SETD3: variants seen among roughly 807,000 people sequenced by gnomAD.
SETD3 encodes the protein SET domain containing 3, actin N3(tau)-histidine methyltransferase, also known as actin-histidine N-methyltransferase.
Under a neutral mutation model 63.0 loss-of-function variants are expected in SETD3, and 19 were observed. The ratio of observed to expected loss-of-function variants is 0.30; its 90% CI spans 0.21 to 0.44. The LOEUF (loss-of-function observed/expected upper bound fraction) is 0.44. Ranked by LOEUF, SETD3 falls within the 20% of genes least tolerant of loss-of-function variation. The pLI is 1.00. For missense variants in SETD3, 587 were observed against 728.5 expected (o/e 0.81, Z 2.24); for synonymous variants, 286 against 264.1 (o/e 1.08, Z -0.80).
chr14:99,475,367 G>A (rs559193850), intron 1 of SETD3, among the ~76,000 whole-genome samples: 4 of 152,378 alleles, frequency 2.6e-5, no homozygotes, highest in East Asian at 3.9e-4. Context: ...AGGACAGAGA[G>A]AGCGTGTTAT....
chr14:99,447,986 G>A (rs1436266317), intron 6 of SETD3, among the ~76,000 whole-genome samples: 2 of 152,158 alleles, frequency 1.3e-5, no homozygotes, highest in African/African-American at 4.8e-5. Context: ...ATACCAGTGC[G>A]AGAGAGGAGA....
chr14:99,454,068 T>C (rs1015445327), intron 6 of SETD3, among the ~76,000 whole-genome samples: 1 of 152,224 alleles, frequency 6.6e-6, no homozygotes, highest in African/African-American at 2.4e-5. Context: ...GTAATACCCA[T>C]CTGACTTGAT....
At chr14:99,423,680 A>C (rs1040862446) in intron 6 of SETD3, among the ~76,000 whole-genome samples, 1 of 151,188 alleles carries the variant, frequency 6.6e-6, no homozygotes, top group Non-Finnish European at 1.5e-5. Flanking sequence ...TGTTAGAAAA[A>C]AAGTCATTCA....
intron 11 of SETD3, among the ~76,000 whole-genome samples, chr14:99,402,079 G>A (rs12879640): frequency 6.8e-4 from 104 of 152,246 alleles, no homozygotes; most frequent in African/African-American, 1.7e-3. Context: ...TGCTCACCCC[G>A]GAGGGTACAG....
chr14:99,407,718 C>T (rs533695808), intron 8 of SETD3, among the ~76,000 whole-genome samples: 201 of 152,264 alleles, frequency 1.3e-3, no homozygotes, highest in Middle Eastern at 3.4e-3. Context: ...AGGGAAGCCC[C>T]TCCTTACCCT....
rs1891557893 is a variant in SETD3, at chr14:99,404,270, A to C, written c.1132T>G (p.Ser378Ala). The change falls in exon 11 of 13, where the codon TCT becomes GCT. Residue 378 changes from serine (S) to alanine (A), a missense_variant. Transcript: ENST00000331768. ...CGGAGAAAAGCCAAAAGCTGAGCAG[A>C]GATGGGCGGCTCGGTAAAATGCAAT... ...FALHFTEPPI[S>A]AQLLAFLRVF... 6.8e-6 allele frequency: 11 copies of C among 1,614,218 alleles called. No homozygotes were observed. Among genetic ancestry groups the C allele is most frequent in the Non-Finnish European group, 9.3e-6 (11 of 1,180,036 alleles).
Position 99,405,671 on chromosome 14 carries a change from C to G in SETD3, c.925-300G>C, listed in dbSNP as rs536501823. 5.5e-4 allele frequency among the ~76,000 whole-genome samples: 84 copies of G among 152,188 alleles called. 1 individual carries two copies. In the South Asian group the frequency reaches 0.01, roughly 19 times the overall value. ...AGGACCCCAGGTGACCTGGGGTCAC[C>G]AGGCCTCTATTATAAACCTCTTCTC... On this transcript the variant is annotated intron_variant, in intron 9 of 12. Coordinates refer to ENST00000331768, the MANE Select transcript of SETD3 (RefSeq NM_032233.3).
chr14:99,421,561 T>G (rs1892598100), intron 6 of SETD3, among the ~76,000 whole-genome samples: 1 of 152,146 alleles, frequency 6.6e-6, no homozygotes, highest in Non-Finnish European at 1.5e-5. Context: ...AGGTATGACC[T>G]CAGCTTGGTA....
chr14:99,481,185 CT>C, upstream of SETD3: 1 of 384,590 alleles, frequency 2.6e-6, no homozygotes, highest in East Asian at 3.7e-5. Flanking sequence ...TCCAGAATGC[CT>C]TTTCGCCCCG....
intron 6 of SETD3, among the ~76,000 whole-genome samples, chr14:99,455,731 A>G (rs1364123022): frequency 6.6e-6 from 1 of 152,088 alleles, no homozygotes; most frequent in Non-Finnish European, 1.5e-5. Context: ...AATACAAAGC[A>G]GGGTTTCTCA....
chr14:99,450,046 C>T (rs1894369488), intron 6 of SETD3, among the ~76,000 whole-genome samples: 1 of 152,208 alleles, frequency 6.6e-6, no homozygotes, highest in Non-Finnish European at 1.5e-5. Context: ...GCAATACAAT[C>T]TATGCATAAA....
At chr14:99,454,792 G>C (rs1191998004) in intron 6 of SETD3, among the ~76,000 whole-genome samples, 1 of 152,104 alleles carries the variant, frequency 6.6e-6, no homozygotes, top group Non-Finnish European at 1.5e-5. Flanking sequence ...ATTTCAGCCC[G>C]AGCAGGCTGG....
intron 6 of SETD3, among the ~76,000 whole-genome samples, chr14:99,431,922 A>T (rs1022822925): frequency 6.6e-6 from 1 of 152,184 alleles, no homozygotes; most frequent in Non-Finnish European, 1.5e-5. Flanking sequence ...AGTCAATTTT[A>T]ACTCGGGAAT....
chr14:99,452,537 A>G (rs779456114), intron 6 of SETD3, among the ~76,000 whole-genome samples: 5 of 152,268 alleles, frequency 3.3e-5, no homozygotes, highest in Non-Finnish European at 7.3e-5. Flanking sequence ...TTATTTTTCT[A>G]GTTTTTAGGC....
At chr14:99,445,018 A>G (rs1470231219) in intron 6 of SETD3, among the ~76,000 whole-genome samples, 1 of 152,242 alleles carries the variant, frequency 6.6e-6, no homozygotes, top group East Asian at 1.9e-4. Flanking sequence ...TAAGGACTCA[A>G]ATGAAGCAAA....
At chr14:99,470,779 A>G (rs1895658028) in intron 1 of SETD3, among the ~76,000 whole-genome samples, 7 of 152,166 alleles carry the variant, frequency 4.6e-5, no homozygotes, top group Admixed American at 2.0e-4. Context: ...ATGGTTTGGC[A>G]CTAATTCTAG....
intron 6 of SETD3, among the ~76,000 whole-genome samples, chr14:99,425,230 AC>A (rs1349443566): frequency 6.6e-6 from 1 of 152,232 alleles, no homozygotes; most frequent in Non-Finnish European, 1.5e-5. Flanking sequence ...CCTACCCTCT[AC>A]AAGATGGTTA....
chr14:99,446,501 A>G (rs981859046), intron 6 of SETD3, among the ~76,000 whole-genome samples: 1 of 152,140 alleles, frequency 6.6e-6, no homozygotes, highest in African/African-American at 2.4e-5. Flanking sequence ...GCCAGCCCCA[A>G]GTTATATCAC....
chr14:99,436,590 G>A (rs1893496516), intron 6 of SETD3, among the ~76,000 whole-genome samples: 1 of 152,190 alleles, frequency 6.6e-6, no homozygotes, highest in Non-Finnish European at 1.5e-5. Flanking sequence ...ATAAAAGTAA[G>A]TGAGTTTGGC....
Sources: allele counts gnomAD v4.1 joint callset (sites outside exome capture counted in the v4.1 genomes callset), GRCh38; gene constraint gnomAD v4.1.1; transcripts MANE v1.5; gene names NCBI Gene and HGNC (gene_info 2026-07-23, HGNC 2026-07-21).